SRGAP1: variants seen among roughly 807,000 people sequenced by gnomAD.
The protein encoded by SRGAP1 is SLIT-ROBO Rho GTPase-activating protein 1.
In SRGAP1, 43 loss-of-function variants were observed where a neutral mutation model predicts 121.9. The observed-to-expected ratio is 0.35, with a 90% CI of 0.28 to 0.46. The LOEUF (loss-of-function observed/expected upper bound fraction) is 0.46. SRGAP1 is among the 20% of genes least tolerant of loss of function. The pLI is 1.00. For synonymous variants in SRGAP1, 447 were observed against 485.4 expected, an observed-to-expected ratio of 0.92 and a Z score of 1.04; for missense variants, 1,102 against 1,350.9, an observed-to-expected ratio of 0.82 and a Z score of 2.89.
chr12:64,042,649 C>G (rs1269440702), intron 4 of SRGAP1, 141 bp from the exon 5 acceptor site: 2 of 572,248 alleles, frequency 3.5e-6, no homozygotes, highest in East Asian at 5.6e-5. Context: ...CCATAATTCA[C>G]TTACTTTACT....
At position 64,091,343 on chromosome 12, in the gene SRGAP1, A is replaced by G; in HGVS notation, c.1504A>G (p.Lys502Glu). ...CAGGCCCCGCTCACAGTATAATACT[A>G]AGTTGTTTAATGGGGATTTGGAAAC... ...KSRPRSQYNT[K>E]LFNGDLETFV... Residue 502 changes from lysine to glutamate, a missense_variant, in exon 12 of 22, where the codon AAG becomes GAG. Lys to Glu is a moderately conservative substitution (Grantham distance 56). Transcript: ENST00000355086. The G allele has an allele frequency of 1.2e-6, 2 of 1,610,232 alleles. No individual in the cohort carries two copies. The highest frequency in any genetic ancestry group is 1.1e-5 in the South Asian group (1 of 90,214).
chr12:63,954,821 G>A (rs562171580), intron 1 of SRGAP1, among the ~76,000 whole-genome samples: 26 of 152,106 alleles, frequency 1.7e-4, no homozygotes, highest in African/African-American at 5.3e-4. Context: ...GTTACTTATC[G>A]TTTTGGAAAC....
intron 21 of SRGAP1, among the ~76,000 whole-genome samples, chr12:64,135,597 C>T (rs1191021232): frequency 6.6e-6 from 1 of 152,156 alleles, no homozygotes; most frequent in African/African-American, 2.4e-5. Context: ...AGCGATGAAT[C>T]AGGAGTGTCA....
At chr12:63,918,295 G>A (rs2030883969) in intron 1 of SRGAP1, among the ~76,000 whole-genome samples, 1 of 152,148 alleles carries the variant, frequency 6.6e-6, no homozygotes, top group Admixed American at 6.5e-5. Context: ...TGAGAAAACG[G>A]AAACCCAGTG....
At chr12:64,036,052 C>T (rs1317278717) in intron 4 of SRGAP1, among the ~76,000 whole-genome samples, 2 of 152,160 alleles carry the variant, frequency 1.3e-5, no homozygotes, top group African/African-American at 4.8e-5. Context: ...CCAGGTCTTC[C>T]TGGTTCCAGA....
intron 18 of SRGAP1, among the ~76,000 whole-genome samples, chr12:64,122,313 GA>G (rs1429257335): frequency 6.6e-6 from 1 of 152,156 alleles, no homozygotes; most frequent in Non-Finnish European, 1.5e-5. Context: ...GCAGGACCTT[GA>G]AGTACTGTGA....
chr12:63,966,033 T>TG (rs1225227282), intron 1 of SRGAP1, among the ~76,000 whole-genome samples: 1 of 152,218 alleles, frequency 6.6e-6, no homozygotes, highest in East Asian at 1.9e-4. Context: ...TTAGCCAGGC[T>TG]GGTCTTGAAC....
chr12:63,945,582 C>T (rs1317138862), intron 1 of SRGAP1, among the ~76,000 whole-genome samples: 2 of 152,204 alleles, frequency 1.3e-5, no homozygotes, highest in Non-Finnish European at 1.5e-5. Context: ...GATTCCACAA[C>T]TTCAAGGTGT....
At chr12:64,080,186 T>G (rs1025396135) in intron 9 of SRGAP1, 100 bp from the exon 10 acceptor site, 1 of 905,874 alleles carries the variant, frequency 1.1e-6, no homozygotes, top group Non-Finnish European at 1.6e-6. Flanking sequence ...GAGGTTGCAG[T>G]GAGCCAAGAT....
chr12:64,076,686 G>A (rs969959753), intron 8 of SRGAP1, among the ~76,000 whole-genome samples: 21 of 151,398 alleles, frequency 1.4e-4, no homozygotes, highest in Admixed American at 2.6e-4. Context: ...TCACTTTTTC[G>A]CCCAGGCTGG....
chr12:64,141,742 A>G (rs1421224565), intron 21 of SRGAP1, among the ~76,000 whole-genome samples: 4 of 152,154 alleles, frequency 2.6e-5, no homozygotes, highest in Non-Finnish European at 5.9e-5. Flanking sequence ...ACTTGAGCCC[A>G]GGAGTTCAAG....
chr12:63,944,051 G>C (rs2031956555), intron 1 of SRGAP1, among the ~76,000 whole-genome samples: 1 of 152,180 alleles, frequency 6.6e-6, no homozygotes, highest in African/African-American at 2.4e-5. Context: ...CTGGTAAGGA[G>C]GAATGGGTAG....
rs1303169219 is a variant in SRGAP1 at position 64,049,024 on chromosome 12, A to G, written c.801+5449A>G. 2.6e-5 allele frequency among the ~76,000 whole-genome samples: 4 copies of G among 152,050 alleles called. No individual in the cohort carries two copies. The South Asian group carries it at 6.2e-4, about 24-fold the overall frequency. ...TAACTTGATGTGTTTCCATTTGTTCATTTTTGCATTGTTTGCCTCTGCCTC... is the reference window on the plus strand; with the variant it reads ...TAACTTGATGTGTTTCCATTTGTTCGTTTTTGCATTGTTTGCCTCTGCCTC... On this transcript the variant is annotated intron_variant, in intron 6 of 21. Coordinates refer to ENST00000355086, the MANE Select transcript of SRGAP1 (RefSeq NM_020762.4).
At chr12:64,119,770 CTTTTTT>C (rs997729181) in intron 18 of SRGAP1, among the ~76,000 whole-genome samples, 51 of 107,454 alleles carry the variant, frequency 4.7e-4, no homozygotes, top group African/African-American at 1.8e-3. Context: ...TTATTTGTTT[CTTTTTT>C]TTTTTTTTTT....
chr12:64,098,338 A>C (rs1041153205), intron 15 of SRGAP1, among the ~76,000 whole-genome samples: 4 of 150,960 alleles, frequency 2.6e-5, no homozygotes, highest in African/African-American at 9.8e-5. Flanking sequence ...CTGGCCCTGC[A>C]TTCTCACACT....
chr12:64,134,872 C>T (rs2036835895), intron 21 of SRGAP1, among the ~76,000 whole-genome samples: 1 of 152,152 alleles, frequency 6.6e-6, no homozygotes, highest in South Asian at 2.1e-4. Context: ...TAGTGTGGCA[C>T]ACCTCTTCAT....
intron 1 of SRGAP1, among the ~76,000 whole-genome samples, chr12:63,957,180 G>A (rs531619929): frequency 4.5e-4 from 69 of 152,246 alleles, no homozygotes; most frequent in Admixed American, 1.7e-3. Flanking sequence ...GTAAACATTT[G>A]AAGGCACAGT....
intron 4 of SRGAP1, among the ~76,000 whole-genome samples, chr12:64,031,826 T>G (rs1408023717): frequency 6.6e-6 from 1 of 152,216 alleles, no homozygotes; most frequent in African/African-American, 2.4e-5. Context: ...AAGTTAGATT[T>G]GATTGTCTCC....
chr12:64,101,305 AGG>A (rs1292837445), intron 15 of SRGAP1, among the ~76,000 whole-genome samples: 1 of 104,864 alleles, frequency 9.5e-6, no homozygotes, highest in African/African-American at 3.7e-5. Flanking sequence ...GTTTGGGGAA[AGG>A]GGTGTGTGTG....
Sources: gnomAD v4.1 joint callset for allele counts (sites outside exome capture counted in the v4.1 genomes callset) on GRCh38, gnomAD v4.1.1 for gene constraint, MANE v1.5 for transcripts, NCBI Gene and HGNC (gene_info 2026-07-23, HGNC 2026-07-21) for gene names.